Variants in TCF20 observed in about 807,000 individuals in gnomAD.
TCF20 encodes the protein transcription factor 20.
In TCF20, 3 loss-of-function variants were observed where a neutral mutation model predicts 148.6. That is an observed-to-expected ratio of 0.02 (90% confidence interval 0.01 to 0.05). The LOEUF (loss-of-function observed/expected upper bound fraction) is 0.05, where lower values mean the gene tolerates loss of function less well. Among genes scored for constraint, TCF20 ranks in the 10% least tolerant of loss-of-function variants. The probability of loss-of-function intolerance (pLI) is 1.00; values close to 1 mark genes in which losing one functional copy is unlikely to be tolerated. For synonymous variants in TCF20, 1,049 were observed against 909.5 expected (o/e 1.15, Z -2.76); for missense variants, 2,350 against 2,429.3 (o/e 0.97, Z 0.69).
intron 1 of TCF20, among the ~76,000 whole-genome samples, chr22:42,323,078 G>C (rs1261101886): frequency 6.6e-6 from 1 of 151,608 alleles, no homozygotes; most frequent in Non-Finnish European, 1.5e-5. Context: ...GGCTGATTTT[G>C]TATTTTTAGT....
In TCF20 at chr22:42,184,327, G is replaced by A. The variant is rs527400855; in HGVS notation, c.5656-4625C>T. ...AACTTTCTTCATACCATACCATGAC[G>A]CCTGTTAGCCCCCTTCATTCACTCA... On this transcript the variant is annotated intron_variant, in intron 2 of 5. Transcript: ENST00000677622. Among the ~76,000 whole-genome samples, 21 of 152,072 alleles carry A rather than the reference G, an allele frequency of 1.4e-4. No homozygotes were observed. The South Asian group carries it at 4.4e-3, about 32-fold the overall frequency.
chr22:42,193,180 A>T (rs1937424184), intron 2 of TCF20, among the ~76,000 whole-genome samples: 1 of 152,144 alleles, frequency 6.6e-6, no homozygotes, highest in African/African-American at 2.4e-5. Context: ...AAAAAAGAAA[A>T]GGAAACTCCA....
chr22:42,244,620 A>C (rs1252808872), intron 1 of TCF20, among the ~76,000 whole-genome samples: 1 of 152,142 alleles, frequency 6.6e-6, no homozygotes, highest in African/African-American at 2.4e-5. Context: ...CGGTGGTTGC[A>C]AAGGACTGGC....
At chr22:42,319,923 C>T (rs965704234) in intron 1 of TCF20, among the ~76,000 whole-genome samples, 3 of 152,114 alleles carry the variant, frequency 2.0e-5, no homozygotes, top group African/African-American at 7.2e-5. Flanking sequence ...CTCCCTCCCA[C>T]CCCAGCACCT....
chr22:42,228,544 G>A (rs2147269192), intron 1 of TCF20, among the ~76,000 whole-genome samples: 1 of 152,294 alleles, frequency 6.6e-6, no homozygotes, highest in Admixed American at 6.5e-5. Flanking sequence ...CAGTGACTGG[G>A]GAGCTTGTAC....
chr22:42,250,273 T>C (rs901694525), intron 1 of TCF20, among the ~76,000 whole-genome samples: 1 of 151,932 alleles, frequency 6.6e-6, no homozygotes, highest in African/African-American at 2.4e-5. Context: ...ATCCTGTCTC[T>C]ACAAAAATTA....
intron 1 of TCF20, among the ~76,000 whole-genome samples, chr22:42,306,666 C>T (rs947718098): frequency 5.9e-5 from 9 of 152,262 alleles, no homozygotes; most frequent in African/African-American, 2.2e-4. Flanking sequence ...TCAGGAGCCC[C>T]CATGCCACTG....
Position 42,206,421 on chromosome 22 carries a change from C to CA in TCF20, c.5655+3229dup, listed in dbSNP as rs556504378. Among the ~76,000 whole-genome samples the CA allele has an allele frequency of 1.5e-3, 227 of 152,142 alleles. 1 individual carries two copies. Among genetic ancestry groups the CA allele is most frequent in the Middle Eastern group, 0.014 (4 of 294 alleles). ...AGATTCTGTCTCAAAAAACAAACAACAAAAAACCCACCAAATACTGTGACT... is the reference window on the plus strand; with the variant it reads ...AGATTCTGTCTCAAAAAACAAACAACAAAAAAACCCACCAAATACTGTGACT... On this transcript the variant is annotated intron_variant, in intron 2 of 5. Transcript: ENST00000677622.
At chr22:42,310,569 G>A (rs1927516592) in intron 1 of TCF20, among the ~76,000 whole-genome samples, 1 of 152,202 alleles carries the variant, frequency 6.6e-6, no homozygotes, top group African/African-American at 2.4e-5. Flanking sequence ...GAACTTTCCA[G>A]GCAGAGCCCT....
chr22:42,171,809 G>C (rs1221207506), intron 3 of TCF20, among the ~76,000 whole-genome samples: 1 of 152,164 alleles, frequency 6.6e-6, no homozygotes, highest in Non-Finnish European at 1.5e-5. Flanking sequence ...AACAGAAACA[G>C]TACAGCACAC....
At chr22:42,219,869 A>G (rs1412855794) in intron 1 of TCF20, among the ~76,000 whole-genome samples, 1 of 152,062 alleles carries the variant, frequency 6.6e-6, no homozygotes, top group Non-Finnish European at 1.5e-5. Context: ...AAATAAATAA[A>G]AAAGAGGCCT....
intron 1 of TCF20, among the ~76,000 whole-genome samples, chr22:42,258,511 GCTC>G (rs1925862311): frequency 6.6e-6 from 1 of 152,084 alleles, no homozygotes; most frequent in African/African-American, 2.4e-5. Context: ...CTGTGTGCTG[GCTC>G]CTCATCAGAA....
At position 42,305,307 on chromosome 22, in the gene TCF20, C is replaced by G. The variant is rs536514815; in HGVS notation, c.-37+38172G>C. On this transcript the variant is annotated intron_variant, in intron 1 of 1. Coordinates refer to the TCF20 transcript ENST00000515426. ...ATTAATGAGGACCAGCTCCCTGCCC[C>G]CCTCAGGGCATGGCACTGCCATCCA... Among the ~76,000 whole-genome samples the G allele has an allele frequency of 5.9e-5, 9 of 152,274 alleles. No individual in the cohort carries two copies. The South Asian group carries it at 1.9e-3, about 32-fold the overall frequency.
In TCF20 at chr22:42,160,877, G is replaced by GCC. The variant is rs1237431382; in HGVS notation, c.*524_*525dup. The stretch of plus-strand genomic sequence containing the variant: ...GGTGTGAGACAGGCTAAAGATCAAC[G>GCC]CCACACACACACCCCGTCCTTCATG... On this transcript the variant is annotated 3_prime_UTR_variant, in exon 6 of 6. Transcript: ENST00000677622. 6.5e-6 allele frequency: 1 copy of GCC among 153,080 alleles called. No homozygotes were observed. The highest frequency in any genetic ancestry group is 1.5e-5 in the Non-Finnish European group (1 of 68,848). The allele number at this position is 153,080 out of a possible 1,614,324, so 9.5% of individuals were successfully genotyped here.
chr22:42,180,008 C>T (rs971516206), intron 2 of TCF20, among the ~76,000 whole-genome samples: 12 of 152,086 alleles, frequency 7.9e-5, no homozygotes, highest in Non-Finnish European at 1.6e-4. Context: ...GCCTCTGGTA[C>T]CCCCGCCATC....
At chr22:42,332,908 G>A (rs1252231661) in intron 1 of TCF20, among the ~76,000 whole-genome samples, 1 of 152,230 alleles carries the variant, frequency 6.6e-6, no homozygotes, top group African/African-American at 2.4e-5. Flanking sequence ...GGGGGCAGCT[G>A]CTGGCAGCAG....
chr22:42,337,265 C>A (rs528613497), intron 1 of TCF20, among the ~76,000 whole-genome samples: 2 of 152,062 alleles, frequency 1.3e-5, no homozygotes, highest in East Asian at 3.9e-4. Context: ...TCCCCCTTAT[C>A]CTCTCCCTGG....
chr22:42,321,946 T>TAA (rs201888819), intron 1 of TCF20, among the ~76,000 whole-genome samples: 1 of 138,536 alleles, frequency 7.2e-6, no homozygotes. Context: ...GACTCCATCT[T>TAA]AAAAAAAAAA....
Position 42,214,684 on chromosome 22 carries a change from G to C in TCF20, c.622C>G (p.Leu208Val), listed in dbSNP as rs1187954863. 1 of 1,614,208 alleles carries C rather than the reference G, an allele frequency of 6.2e-7. No individual in the cohort carries two copies. Residue 208 changes from leucine (L) to valine (V), a missense_variant, in exon 2 of 6, where the codon CTA becomes GTA. Leu to Val is a conservative substitution (Grantham distance 32, BLOSUM62 1). Around this residue, in one of 7 missense-constraint regions of TCF20, gnomAD observed 1,641 missense variants for 1,662.6 expected, o/e 0.99. Coordinates refer to ENST00000677622, the MANE Select transcript of TCF20 (RefSeq NM_001378418.1). ...GTTGAGGGCCGCTGCATTGGCTGTAGATGGGATGAGCTGGATGCTGGTTGG... is the reference window on the plus strand; with the variant it reads ...GTTGAGGGCCGCTGCATTGGCTGTACATGGGATGAGCTGGATGCTGGTTGG... Reference protein sequence around the residue: ...TGQPASSSSHLQPMQRPSTLP... With the variant: ...TGQPASSSSHVQPMQRPSTLP...
Sources: gnomAD v4.1 joint callset for allele counts (sites outside exome capture counted in the v4.1 genomes callset) on GRCh38, gnomAD v4.1.1 for gene constraint, gnomAD v4.1.1 regional missense constraint, MANE v1.5 for transcripts, NCBI Gene and HGNC (gene_info 2026-07-23, HGNC 2026-07-21) for gene names.